The following C12orf42 variants were observed in gnomAD, a reference collection of about 807,000 sequenced individuals.
The protein encoded by C12orf42 is chromosome 12 open reading frame 42.
In C12orf42, 25 loss-of-function variants were observed where a neutral mutation model predicts 21.6. The observed-to-expected ratio is 1.16, with a 90% CI of 0.84 to 1.62. The LOEUF (loss-of-function observed/expected upper bound fraction) is 1.62, where lower values mean the gene tolerates loss of function less well. C12orf42 is among the 40% of genes most tolerant of loss of function. The probability of loss-of-function intolerance (pLI) is 0.00; values close to 1 mark genes in which losing one functional copy is unlikely to be tolerated. For synonymous variants in C12orf42, 174 were observed against 175.0 expected, an observed-to-expected ratio of 0.99 and a Z score of 0.05; for missense variants, 483 against 459.3, an observed-to-expected ratio of 1.05 and a Z score of -0.47.
chr12:103,132,126 A>G, the C12orf42 span, among the ~76,000 whole-genome samples: 8 of 152,138 alleles, frequency 5.3e-5, no homozygotes, highest in Admixed American at 2.0e-4. Flanking sequence ...TCCTTTTCTG[A>G]GACACATGAC....
At chr12:103,400,139 G>A (rs1160731376) in intron 3 of C12orf42, among the ~76,000 whole-genome samples, 1 of 152,128 alleles carries the variant, frequency 6.6e-6, no homozygotes, top group African/African-American at 2.4e-5. Context: ...GAGAGAGGAA[G>A]GGATGATGCA....
In C12orf42 at chr12:103,244,934, C is replaced by T. The variant is rs149948022; in HGVS notation, c.*1367-7032G>A. Among the ~76,000 whole-genome samples, 261 of 152,104 alleles carry T rather than the reference C, an allele frequency of 1.7e-3. 3 individuals are homozygous for T. The highest frequency in any genetic ancestry group is 6.0e-3 in the African/African-American group (248 of 41,508). On this transcript the variant is annotated intron_variant and NMD_transcript_variant, in intron 10 of 10. Transcript: ENST00000547347. ...TTTATTTGTGGTGACATCAGAAGCA[C>T]ATATCTTAATTCATCTCTTTAAAGA...
At position 103,302,258 on chromosome 12, in the gene C12orf42, G is replaced by A; in HGVS notation, c.933C>T (p.Pro311=). 6.2e-7 allele frequency: 1 copy of A among 1,612,016 alleles called. No homozygotes were observed. Among genetic ancestry groups the A allele is most frequent in the African/African-American group, 1.3e-5 (1 of 75,002 alleles). Residue 311 remains proline, a synonymous_variant, in exon 6 of 6, where the codon CCC becomes CCT. Coordinates refer to ENST00000548883, the MANE Select transcript of C12orf42 (RefSeq NM_198521.5). ...TSLHGNLAGA[P]LPLLAGASTH... ...TGGAAGCACCGGCCAGCAGAGGAAG[G>A]GGCGCTCCTGCCAGATTGCCATGGA...
intron 4 of C12orf42, among the ~76,000 whole-genome samples, chr12:103,357,367 G>C (rs2137605547): frequency 6.6e-6 from 1 of 151,882 alleles, no homozygotes; most frequent in Non-Finnish European, 1.5e-5. Flanking sequence ...TCCATTTTCT[G>C]TTCTCTTCAT....
the C12orf42 span, among the ~76,000 whole-genome samples, chr12:103,214,443 G>A: frequency 2.0e-5 from 3 of 152,156 alleles, no homozygotes; most frequent in African/African-American, 2.4e-5. Flanking sequence ...GACAAATGCA[G>A]TTTCTACTGA....
At chr12:103,387,446 G>A (rs571353167) in intron 3 of C12orf42, among the ~76,000 whole-genome samples, 4 of 152,116 alleles carry the variant, frequency 2.6e-5, no homozygotes, top group East Asian at 1.9e-4. Flanking sequence ...TACAACCATC[G>A]AACTGCCATT....
At chr12:103,252,106 GCT>G (rs1481571652) in intron 10 of C12orf42, among the ~76,000 whole-genome samples, 1 of 151,900 alleles carries the variant, frequency 6.6e-6, no homozygotes, top group Non-Finnish European at 1.5e-5. Flanking sequence ...TTGTCCTAAT[GCT>G]CTCTCTCCCC....
chr12:103,200,784 G>T, the C12orf42 span, among the ~76,000 whole-genome samples: 1 of 152,134 alleles, frequency 6.6e-6, no homozygotes, highest in Non-Finnish European at 1.5e-5. Flanking sequence ...GTTTTAGGTT[G>T]GTGCAAAAGT....
chr12:103,419,472 G>T lies in C12orf42; in HGVS notation c.79-17797C>A, dbSNP rs143900943. ...CATAGAGGAGATGGGTGACGAGACAGGAAGCAGAGAGGAAGACAAGTCCTT... is the reference window on the plus strand; with the variant it reads ...CATAGAGGAGATGGGTGACGAGACATGAAGCAGAGAGGAAGACAAGTCCTT... On this transcript the variant is annotated intron_variant, in intron 2 of 5. Transcript: ENST00000548883. Among the ~76,000 whole-genome samples the T allele has an allele frequency of 2.4e-3, 371 of 152,176 alleles. 2 individuals are homozygous for T. Among genetic ancestry groups the T allele is most frequent in the African/African-American group, 8.6e-3 (357 of 41,520 alleles).
the C12orf42 span, among the ~76,000 whole-genome samples, chr12:103,562,472 G>A: frequency 6.6e-6 from 1 of 152,176 alleles, no homozygotes; most frequent in South Asian, 2.1e-4. Flanking sequence ...AGTGAAAGGG[G>A]GCCATGCAGA....
intron 4 of C12orf42, among the ~76,000 whole-genome samples, chr12:103,288,466 G>A (rs181991554): frequency 3.0e-3 from 454 of 152,218 alleles, no homozygotes; most frequent in African/African-American, 9.8e-3. Flanking sequence ...TAAAAATTAC[G>A]TTTAGCACCT....
At chr12:103,251,515 A>G (rs1179101424) in intron 10 of C12orf42, among the ~76,000 whole-genome samples, 1 of 152,082 alleles carries the variant, frequency 6.6e-6, no homozygotes, top group African/African-American at 2.4e-5. Context: ...TGAGTCTGTA[A>G]CCCAAGGGTT....
chr12:103,274,141 T>C lies in C12orf42; in HGVS notation n.398+3009A>G, dbSNP rs78547006. On this transcript the variant is annotated intron_variant and non_coding_transcript_variant, in intron 5 of 6. Coordinates refer to the C12orf42 transcript ENST00000546526. Reference sequence around the variant, plus strand: ...TCCTCACAACATCCTAGGAAATAGGTACTGATAGTAATTCTGTTTTACAGA... The same window carrying C: ...TCCTCACAACATCCTAGGAAATAGGCACTGATAGTAATTCTGTTTTACAGA... Among the ~76,000 whole-genome samples, 38 of 152,298 alleles carry C rather than the reference T, an allele frequency of 2.5e-4. No homozygotes were observed. The South Asian group carries it at 7.5e-3, about 30-fold the overall frequency.
At chr12:103,359,507 T>C (rs1256686646) in intron 4 of C12orf42, among the ~76,000 whole-genome samples, 1 of 152,022 alleles carries the variant, frequency 6.6e-6, no homozygotes, top group African/African-American at 2.4e-5. Context: ...TATATATATA[T>C]ACAAGGATGC....
At chr12:103,476,670 C>T (rs1379076393) in intron 2 of C12orf42, among the ~76,000 whole-genome samples, 1 of 152,146 alleles carries the variant, frequency 6.6e-6, no homozygotes, top group African/African-American at 2.4e-5. Context: ...TAAATGTGTA[C>T]TTTATGACCT....
At chr12:103,252,026 A>T (rs1371809438) in intron 10 of C12orf42, among the ~76,000 whole-genome samples, 3 of 152,190 alleles carry the variant, frequency 2.0e-5, no homozygotes, top group Non-Finnish European at 4.4e-5. Flanking sequence ...GTAGGTATAC[A>T]TGTGCCATGG....
the C12orf42 span, among the ~76,000 whole-genome samples, chr12:103,146,564 G>GAAAGAAAGAAAGAATGAAAT: frequency 1.0e-5 from 1 of 96,190 alleles, no homozygotes; most frequent in Non-Finnish European, 2.0e-5. Context: ...AGAAAGAAAA[G>GAAAGAAAGAAAGAATGAAAT]AAAGAAAGAA....
At chr12:103,513,635 G>A in the C12orf42 span, among the ~76,000 whole-genome samples, 2 of 152,184 alleles carry the variant, frequency 1.3e-5, no homozygotes, top group Non-Finnish European at 2.9e-5. Context: ...ATCCAACTCT[G>A]GACCTGCAGG....
At chr12:103,225,766 C>T in the C12orf42 span, among the ~76,000 whole-genome samples, 26 of 152,102 alleles carry the variant, frequency 1.7e-4, no homozygotes, top group African/African-American at 5.1e-4. Flanking sequence ...ACCATCAATA[C>T]CCACAACAGT....
Sources: allele counts gnomAD v4.1 joint callset (sites outside exome capture counted in the v4.1 genomes callset), GRCh38; gene constraint gnomAD v4.1.1; transcripts MANE v1.5; gene names NCBI Gene and HGNC (gene_info 2026-07-23, HGNC 2026-07-21).